Variants in ATOSA observed in about 807,000 individuals in gnomAD.
ATOSA encodes atos homolog A.
chr15:52,688,092 C>T, the ATOSA span, among the ~76,000 whole-genome samples: 1 of 152,134 alleles, frequency 6.6e-6, no homozygotes, highest in East Asian at 1.9e-4. Context: ...ACAGCTGACC[C>T]GTAGATTCAT....
the ATOSA span, among the ~76,000 whole-genome samples, chr15:52,614,865 A>G: frequency 0.016 from 2,420 of 152,188 alleles, 37 homozygotes; most frequent in East Asian, 0.056. Flanking sequence ...AAAAATTAAT[A>G]TTTTTGGATG....
chr15:52,625,037 C>A, the ATOSA span, among the ~76,000 whole-genome samples: 2 of 152,056 alleles, frequency 1.3e-5, no homozygotes, highest in African/African-American at 4.8e-5. Flanking sequence ...TCTTGGCCTC[C>A]CAAAGTGCTC....
At chr15:52,639,625 T>C in the ATOSA span, among the ~76,000 whole-genome samples, 1 of 152,240 alleles carries the variant, frequency 6.6e-6, no homozygotes, top group African/African-American at 2.4e-5. Context: ...TTCATTTACA[T>C]TGAAGACTGC....
chr15:52,670,262 CTG>C, the ATOSA span, among the ~76,000 whole-genome samples: 2 of 152,196 alleles, frequency 1.3e-5, no homozygotes, highest in South Asian at 4.1e-4. Flanking sequence ...CTGTTCCAAG[CTG>C]TGTATTCTTG....
At chr15:52,600,058 A>C in the ATOSA span, 1 of 678,246 alleles carries the variant, frequency 1.5e-6, no homozygotes, top group Non-Finnish European at 2.5e-6. Flanking sequence ...AGTTAAAGAC[A>C]TATAAAATGA....
chr15:52,592,795 G>C, the ATOSA span, among the ~76,000 whole-genome samples: 1 of 152,156 alleles, frequency 6.6e-6, no homozygotes, highest in African/African-American at 2.4e-5. Context: ...ACTCCTCTTA[G>C]TTATTTCACT....
At chr15:52,702,717 A>G in the ATOSA span, among the ~76,000 whole-genome samples, 1 of 150,224 alleles carries the variant, frequency 6.7e-6, no homozygotes, top group Non-Finnish European at 1.5e-5. Flanking sequence ...CATGCAGTAT[A>G]CCCAGGTAAC....
chr15:52,709,240 C>T, the ATOSA span, among the ~76,000 whole-genome samples: 10 of 152,116 alleles, frequency 6.6e-5, no homozygotes, highest in South Asian at 2.1e-4. Context: ...TTACATTTGT[C>T]GTGGAAACTG....
the ATOSA span, among the ~76,000 whole-genome samples, chr15:52,659,614 A>G: frequency 1.3e-5 from 2 of 152,204 alleles, no homozygotes; most frequent in Non-Finnish European, 2.9e-5. Flanking sequence ...ATTAGATGCA[A>G]TATCCTACAA....
the ATOSA span, among the ~76,000 whole-genome samples, chr15:52,680,995 C>A: frequency 6.6e-6 from 1 of 152,288 alleles, no homozygotes; most frequent in Admixed American, 6.5e-5. Flanking sequence ...GAACAGGCAG[C>A]AAAATCTGGT....
chr15:52,663,969 C>G, the ATOSA span, among the ~76,000 whole-genome samples: 1 of 152,280 alleles, frequency 6.6e-6, no homozygotes, highest in East Asian at 1.9e-4. Context: ...ATGAATGCCA[C>G]AAAAATTCAA....
chr15:52,668,999 C>A, the ATOSA span, among the ~76,000 whole-genome samples: 1 of 151,442 alleles, frequency 6.6e-6, no homozygotes, highest in African/African-American at 2.4e-5. Context: ...TCCGCCTCCC[C>A]GGTTCACGCC....
chr15:52,699,203 C>T, the ATOSA span, among the ~76,000 whole-genome samples: 2 of 152,142 alleles, frequency 1.3e-5, no homozygotes, highest in African/African-American at 4.8e-5. Flanking sequence ...CCATCAGTAC[C>T]TGTTTTGTTT....
chr15:52,636,676 C>T, the ATOSA span, among the ~76,000 whole-genome samples: 2 of 152,136 alleles, frequency 1.3e-5, no homozygotes, highest in African/African-American at 2.4e-5. Context: ...CCCAGTCTAT[C>T]GTATTTTGTT....
the ATOSA span, among the ~76,000 whole-genome samples, chr15:52,698,952 T>C: frequency 6.6e-6 from 1 of 152,134 alleles, no homozygotes. Context: ...GGCAAAACTT[T>C]GGAAAATGGT....
chr15:52,638,599 G>T, the ATOSA span, among the ~76,000 whole-genome samples: 1 of 151,656 alleles, frequency 6.6e-6, no homozygotes, highest in Non-Finnish European at 1.5e-5. Context: ...TACTTGGGAG[G>T]CAGAGGAAGG....
chr15:52,688,926 G>T, the ATOSA span, among the ~76,000 whole-genome samples: 1 of 152,352 alleles, frequency 6.6e-6, no homozygotes. Flanking sequence ...GAGGAAGGTA[G>T]CCTGGGCCCA....
At chr15:52,631,771 G>T in the ATOSA span, among the ~76,000 whole-genome samples, 6 of 152,166 alleles carry the variant, frequency 3.9e-5, no homozygotes, top group African/African-American at 1.4e-4. Flanking sequence ...CCAAGAAATT[G>T]CATGGTTCAA....
the ATOSA span, among the ~76,000 whole-genome samples, chr15:52,591,469 C>T: frequency 2.0e-5 from 3 of 152,094 alleles, no homozygotes; most frequent in African/African-American, 4.8e-5. Context: ...TGGCCTCAGG[C>T]GATCTGCCAG....
Sources: gnomAD v4.1 joint callset for allele counts (sites outside exome capture counted in the v4.1 genomes callset) on GRCh38, gnomAD v4.1.1 for gene constraint, MANE v1.5 for transcripts, NCBI Gene and HGNC (gene_info 2026-07-23, HGNC 2026-07-21) for gene names.